Variants in CRYBG1 observed in about 807,000 individuals in gnomAD.
The protein encoded by CRYBG1 is beta/gamma crystallin domain-containing protein 1.
A neutral mutation model predicts 189.2 loss-of-function variants in CRYBG1; 139 were observed. The ratio of observed to expected loss-of-function variants is 0.73; its 90% CI spans 0.64 to 0.85. CRYBG1 has a LOEUF of 0.85. CRYBG1 is among the 40% of genes least tolerant of loss of function. The pLI is 0.00. For missense variants in CRYBG1, 2,611 were observed against 2,675.8 expected (o/e 0.98, Z 0.53); for synonymous variants, 1,023 against 1,017.1 (o/e 1.01, Z -0.11).
At position 106,520,305 on chromosome 6, in the gene CRYBG1, G is replaced by A. The variant is rs1362669189; in HGVS notation, c.3097G>A (p.Ala1033Thr). 2.5e-6 allele frequency: 4 copies of A among 1,614,144 alleles called. No homozygotes were observed. In the South Asian group the frequency reaches 4.4e-5, roughly 18 times the overall value. Residue 1033 changes from alanine (A) to threonine (T), a missense_variant, in exon 4 of 22, where the codon GCA (alanine) becomes ACA (threonine). Ala to Thr is a moderately conservative substitution (Grantham distance 58). This residue lies in a region of CRYBG1 where 1,622 missense variants were observed against 1,735.0 expected (regional missense o/e 0.93). Transcript: ENST00000633556. Reference sequence around the variant, plus strand: ...ATCTGGCCCACAAGTCATACCGCCAGCATCAGAGAAAACTCTGCCTATTCA... The same window carrying A: ...ATCTGGCCCACAAGTCATACCGCCAACATCAGAGAAAACTCTGCCTATTCA... ...AKSGPQVIPP[A>T]SEKTLPIQAQ...
At chr6:106,367,907 G>T (rs931586744) in intron 1 of CRYBG1, among the ~76,000 whole-genome samples, 1 of 152,014 alleles carries the variant, frequency 6.6e-6, no homozygotes, top group Admixed American at 6.6e-5. Context: ...TTATGATCAT[G>T]CTACTGCACT....
At position 106,544,689 on chromosome 6, in the gene CRYBG1, A is replaced by G. The variant is rs150066642; in HGVS notation, c.5158A>G (p.Ile1720Val). Residue 1720 changes from isoleucine to valine, a missense_variant, in exon 12 of 22, where the codon ATA becomes GTA. Transcript: ENST00000633556. Reference protein sequence around the residue: ...YNGELQSLRPILGDFSNAHMI... With the variant: ...YNGELQSLRPVLGDFSNAHMI... ...TGGAGAGCTTCAGTCTTTACGACCTATATTAGGTGTAAGTAAAGGACAAGC... is the reference window on the plus strand; with the variant it reads ...TGGAGAGCTTCAGTCTTTACGACCTGTATTAGGTGTAAGTAAAGGACAAGC... 1.2e-5 allele frequency: 20 copies of G among 1,613,752 alleles called. No homozygotes were observed. In the Admixed American group the frequency reaches 1.7e-4, roughly 13 times the overall value.
At chr6:106,451,245 T>A (rs1771776325) in intron 1 of CRYBG1, among the ~76,000 whole-genome samples, 1 of 152,204 alleles carries the variant, frequency 6.6e-6, no homozygotes, top group Admixed American at 6.5e-5. Flanking sequence ...ACAGTTCCCA[T>A]TTCCTGGCAT....
intron 1 of CRYBG1, among the ~76,000 whole-genome samples, chr6:106,422,938 A>G (rs1225840057): frequency 6.6e-6 from 1 of 152,238 alleles, no homozygotes; most frequent in Non-Finnish European, 1.5e-5. Context: ...GTAGATTAAA[A>G]GTGGCTACTT....
chr6:106,540,906 C>G (rs1325845733), intron 9 of CRYBG1, among the ~76,000 whole-genome samples: 1 of 151,868 alleles, frequency 6.6e-6, no homozygotes, highest in South Asian at 2.1e-4. Flanking sequence ...AATGTAATAC[C>G]ATTTCTCTGA....
chr6:106,483,378 G>GTGTGTGTATATATA (rs1347885031), intron 2 of CRYBG1, among the ~76,000 whole-genome samples: 112 of 113,740 alleles, frequency 9.8e-4, no homozygotes, highest in Middle Eastern at 4.4e-3. Flanking sequence ...GTGTGTGTGT[G>GTGTGTGTATATATA]TATATATATA....
intron 1 of CRYBG1, among the ~76,000 whole-genome samples, chr6:106,384,792 ATCCTCTTCTAAC>A (rs1353932130): frequency 1.3e-5 from 2 of 152,028 alleles, no homozygotes; most frequent in Non-Finnish European, 2.9e-5. Flanking sequence ...CAAGCAGGTG[ATCCTCTTCTAAC>A]TCAGACAACA....
At chr6:106,447,350 G>T (rs1582767575) in intron 1 of CRYBG1, among the ~76,000 whole-genome samples, 1 of 152,198 alleles carries the variant, frequency 6.6e-6, no homozygotes, top group Admixed American at 6.5e-5. Flanking sequence ...ATAATAGAAA[G>T]AATGAATAAG....
chr6:106,563,614 C>T, intron 20 of CRYBG1, 150 bp from the exon 21 acceptor site: 6 of 639,544 alleles, frequency 9.4e-6, no homozygotes, highest in Middle Eastern at 4.3e-4. Context: ...TTGTCCGATT[C>T]TAGTTGGCTA....
At chr6:106,379,386 C>CA (rs1446798562) in intron 1 of CRYBG1, among the ~76,000 whole-genome samples, 1 of 151,648 alleles carries the variant, frequency 6.6e-6, no homozygotes, top group Non-Finnish European at 1.5e-5. Context: ...CTCAGTCTCC[C>CA]AAGTAGCTGG....
intron 1 of CRYBG1, among the ~76,000 whole-genome samples, chr6:106,373,083 C>T (rs1432670622): frequency 6.6e-6 from 1 of 152,204 alleles, no homozygotes; most frequent in East Asian, 1.9e-4. Context: ...TACCCATTTA[C>T]TCTCAGAGCT....
At chr6:106,449,695 C>G (rs62420835) in intron 1 of CRYBG1, among the ~76,000 whole-genome samples, 41,323 of 151,948 alleles carry the variant, frequency 0.27, 6,563 homozygotes, top group African/African-American at 0.43. Flanking sequence ...TTCTCCTGAG[C>G]TATATGTGTT....
intron 1 of CRYBG1, among the ~76,000 whole-genome samples, chr6:106,446,099 C>T (rs181175010): frequency 1.9e-3 from 291 of 152,262 alleles, no homozygotes; most frequent in African/African-American, 6.6e-3. Context: ...AGGTAATCAC[C>T]AGGGACTTTT....
At chr6:106,429,037 T>A (rs535736430) in intron 1 of CRYBG1, among the ~76,000 whole-genome samples, 1 of 152,352 alleles carries the variant, frequency 6.6e-6, no homozygotes, top group Non-Finnish European at 1.5e-5. Context: ...TTTATGGAGA[T>A]TTTTACAGTG....
intron 1 of CRYBG1, among the ~76,000 whole-genome samples, chr6:106,373,780 C>G (rs4946746): frequency 0.056 from 8,468 of 152,200 alleles, 389 homozygotes; most frequent in East Asian, 0.16. Context: ...AAGCCTAAAT[C>G]ATTATAGTCA....
intron 21 of CRYBG1, among the ~76,000 whole-genome samples, chr6:106,565,708 C>T (rs1474170737): frequency 6.6e-6 from 1 of 152,146 alleles, no homozygotes; most frequent in Admixed American, 6.5e-5. Flanking sequence ...AGAAACCAAA[C>T]AGTAACATAT....
chr6:106,571,924 G>C lies in CRYBG1; in HGVS notation c.*3358G>C. On this transcript the variant is annotated 3_prime_UTR_variant, in exon 22 of 22. Transcript: ENST00000633556. ...TCTGGAAAAATGTTTGAAAGGGATG[G>C]CTAGAAAAAAATTTGGGCTCACAGG... 1.0e-6 allele frequency: 1 copy of C among 967,196 alleles called. No homozygotes were observed. Among genetic ancestry groups the C allele is most frequent in the Non-Finnish European group, 1.6e-6 (1 of 607,156 alleles). 59.9% of individuals were successfully genotyped at this position (967,196 alleles called of 1,614,324 possible).
intron 1 of CRYBG1, among the ~76,000 whole-genome samples, chr6:106,415,768 T>G (rs1280028220): frequency 6.6e-6 from 1 of 152,132 alleles, no homozygotes; most frequent in African/African-American, 2.4e-5. Flanking sequence ...GCACTTTGAC[T>G]GGCTTCTCTT....
intron 1 of CRYBG1, among the ~76,000 whole-genome samples, chr6:106,431,332 A>G (rs1771321571): frequency 6.6e-6 from 1 of 152,178 alleles, no homozygotes; most frequent in Non-Finnish European, 1.5e-5. Flanking sequence ...TTAATCTTTC[A>G]TTTAGTGCAG....
Sources: gnomAD v4.1 joint callset for allele counts (sites outside exome capture counted in the v4.1 genomes callset) on GRCh38, gnomAD v4.1.1 for gene constraint, gnomAD v4.1.1 regional missense constraint, MANE v1.5 for transcripts, NCBI Gene and HGNC (gene_info 2026-07-23, HGNC 2026-07-21) for gene names.